Variants in VEPH1 observed in about 807,000 individuals in gnomAD.
VEPH1 encodes the protein ventricular zone-expressed PH domain-containing protein homolog 1.
Under a neutral mutation model 85.2 loss-of-function variants are expected in VEPH1, and 80 were observed. The ratio of observed to expected loss-of-function variants is 0.94; its 90% CI spans 0.78 to 1.13. The LOEUF is 1.13. VEPH1 is among the 50% of genes most tolerant of loss of function. The pLI, the probability that VEPH1 is intolerant of heterozygous loss-of-function variation, is 0.00. For synonymous variants in VEPH1, 297 were observed against 348.0 expected, an observed-to-expected ratio of 0.85 and a Z score of 1.63; for missense variants, 955 against 980.5, an observed-to-expected ratio of 0.97 and a Z score of 0.35.
At chr3:157,370,929 T>C (rs1403563580) in intron 7 of VEPH1, among the ~76,000 whole-genome samples, 3 of 152,228 alleles carry the variant, frequency 2.0e-5, no homozygotes, top group African/African-American at 7.2e-5. Context: ...ATTTTTGTTA[T>C]ATAAAAATGG....
intron 9 of VEPH1, among the ~76,000 whole-genome samples, chr3:157,350,349 T>C: frequency 6.6e-6 from 1 of 152,132 alleles, no homozygotes; most frequent in Non-Finnish European, 1.5e-5. Context: ...CTACCTCTTA[T>C]CCTATACAAA....
intron 4 of VEPH1, among the ~76,000 whole-genome samples, chr3:157,436,476 TGAA>T (rs113546012): frequency 2.0e-5 from 3 of 152,286 alleles, no homozygotes; most frequent in African/African-American, 7.2e-5. Context: ...TAAAGGGTTG[TGAA>T]ATAATAACAG....
At chr3:157,379,479 A>C (rs1728516289) in intron 7 of VEPH1, among the ~76,000 whole-genome samples, 1 of 152,158 alleles carries the variant, frequency 6.6e-6, no homozygotes, top group South Asian at 2.1e-4. Flanking sequence ...TGGTCAGTAC[A>C]TCCCTTTTTC....
At chr3:157,362,003 A>C (rs1165616111) in intron 9 of VEPH1, among the ~76,000 whole-genome samples, 1 of 152,058 alleles carries the variant, frequency 6.6e-6, no homozygotes, top group Non-Finnish European at 1.5e-5. Context: ...CTGTCACTTA[A>C]AATTTTACTG....
chr3:157,444,326 T>C (rs553713207), intron 4 of VEPH1, among the ~76,000 whole-genome samples: 1 of 152,344 alleles, frequency 6.6e-6, no homozygotes, highest in Non-Finnish European at 1.5e-5. Context: ...ACAAGTTACA[T>C]AACTCCTCTG....
At chr3:157,392,810 T>C (rs928417818) in intron 6 of VEPH1, among the ~76,000 whole-genome samples, 2 of 152,234 alleles carry the variant, frequency 1.3e-5, no homozygotes, top group Non-Finnish European at 2.9e-5. Context: ...ATCTGTAGAT[T>C]GGAGCTAACA....
intron 4 of VEPH1, among the ~76,000 whole-genome samples, chr3:157,454,617 A>T (rs73030017): frequency 1.5e-3 from 233 of 152,284 alleles, no homozygotes; most frequent in African/African-American, 5.2e-3. Context: ...TAGTTTTTCA[A>T]CTTTTAGAGT....
Position 157,363,539 on chromosome 3 carries a change from A to G in VEPH1, c.1560T>C (p.Asn520=). 1 of 1,613,980 alleles carries G rather than the reference A, an allele frequency of 6.2e-7. No individual in the cohort carries two copies. Among genetic ancestry groups the G allele is most frequent in the South Asian group, 1.1e-5 (1 of 91,082 alleles). The change falls in exon 9 of 14, where the codon AAT becomes AAC. Residue 520 remains asparagine (N), a synonymous_variant. Coordinates refer to ENST00000362010, the MANE Select transcript of VEPH1 (RefSeq NM_001167912.2). ...AGTTTTCTTTAACAGTTTCTGACAA[A>G]TTCTCTGAGTCTATATGTATAATAT... is the stretch of plus-strand genomic sequence containing the variant. The part of the protein sequence containing the change: ...YPNIIHIDSE[N]LSETVKENSQ...
intron 11 of VEPH1, among the ~76,000 whole-genome samples, chr3:157,291,004 G>T (rs2108398757): frequency 6.6e-6 from 1 of 152,298 alleles, no homozygotes; most frequent in East Asian, 1.9e-4. Context: ...CTTTGAGAGG[G>T]TACTGTGAAG....
intron 9 of VEPH1, among the ~76,000 whole-genome samples, chr3:157,358,825 G>A (rs1205765087): frequency 3.3e-5 from 5 of 152,074 alleles, no homozygotes; most frequent in Admixed American, 6.6e-5. Context: ...GTGAAACCCC[G>A]TCCCTACTAA....
intron 11 of VEPH1, among the ~76,000 whole-genome samples, chr3:157,296,982 T>C (rs1718215037): frequency 6.6e-6 from 1 of 152,170 alleles, no homozygotes; most frequent in Non-Finnish European, 1.5e-5. Flanking sequence ...AAAGTAGTGA[T>C]AATGGCCAAG....
chr3:157,466,331 G>C (rs1736371191), intron 3 of VEPH1, among the ~76,000 whole-genome samples: 1 of 152,132 alleles, frequency 6.6e-6, no homozygotes, highest in African/African-American at 2.4e-5. Context: ...CTAGAGCACA[G>C]ATAGAGATCG....
intron 3 of VEPH1, among the ~76,000 whole-genome samples, chr3:157,463,766 G>A (rs1736102917): frequency 6.6e-6 from 1 of 152,180 alleles, no homozygotes. Context: ...GCTTTCATAG[G>A]TCAGACTTAG....
intron 12 of VEPH1, among the ~76,000 whole-genome samples, chr3:157,268,934 A>G (rs1440990844): frequency 6.6e-6 from 1 of 152,108 alleles, no homozygotes; most frequent in African/African-American, 2.4e-5. Context: ...ATTTTTTTGT[A>G]TAGACAAGGT....
At chr3:157,286,698 A>G in intron 11 of VEPH1, 24 bp from the exon 12 acceptor site, 1 of 1,586,152 alleles carries the variant, frequency 6.3e-7, no homozygotes, top group Non-Finnish European at 8.7e-7. Context: ...ACAAAGCACA[A>G]AGAACATAAG....
At chr3:157,424,038 C>T (rs1732553019) in intron 5 of VEPH1, among the ~76,000 whole-genome samples, 1 of 152,134 alleles carries the variant, frequency 6.6e-6, no homozygotes, top group Non-Finnish European at 1.5e-5. Context: ...GGCTCTGTGT[C>T]CTCTCCCAAA....
intron 6 of VEPH1, among the ~76,000 whole-genome samples, chr3:157,394,095 G>C (rs563074365): frequency 3.9e-5 from 6 of 152,166 alleles, no homozygotes; most frequent in African/African-American, 1.4e-4. Context: ...GATATTATCC[G>C]GCATTTGGGT....
chr3:157,433,863 A>G (rs554770498), intron 4 of VEPH1, among the ~76,000 whole-genome samples: 4 of 152,138 alleles, frequency 2.6e-5, no homozygotes, highest in Admixed American at 6.5e-5. Context: ...TACTCTATAT[A>G]CTTCATTATA....
intron 11 of VEPH1, among the ~76,000 whole-genome samples, chr3:157,310,285 G>A (rs1577307750): frequency 6.6e-6 from 1 of 152,134 alleles, no homozygotes; most frequent in Non-Finnish European, 1.5e-5. Context: ...TTTGAGGTGG[G>A]GTGCTGGCTA....
Sources: allele counts gnomAD v4.1 joint callset (sites outside exome capture counted in the v4.1 genomes callset), GRCh38; gene constraint gnomAD v4.1.1; transcripts MANE v1.5; gene names NCBI Gene and HGNC (gene_info 2026-07-23, HGNC 2026-07-21).